The following ZNF263 variants were observed in gnomAD, a reference collection of about 807,000 sequenced individuals.
ZNF263 encodes zinc finger protein 263, also known as zinc finger protein FPM315.
Under a neutral mutation model 63.1 loss-of-function variants are expected in ZNF263, and 49 were observed. The observed-to-expected ratio is 0.78, with a 90% CI of 0.62 to 0.99. The LOEUF (loss-of-function observed/expected upper bound fraction) is 0.99, where lower values mean the gene tolerates loss of function less well. ZNF263 is among the 50% of genes least tolerant of loss of function. ZNF263 has a pLI of 0.00. For missense variants in ZNF263, 872 were observed against 854.8 expected (o/e 1.02, Z -0.25); for synonymous variants, 352 against 324.2 (o/e 1.09, Z -0.92).
chr16:3,298,773 T>C (rs1289926988), intron 1 of ZNF263: 1 of 369,648 alleles, frequency 2.7e-6, no homozygotes, highest in Non-Finnish European at 4.8e-6. Flanking sequence ...TTGTGTAAAA[T>C]TTAAAAAAAT....
At chr16:3,296,452 C>T (rs1013253179), downstream of ZNF263, among the ~76,000 whole-genome samples, 1 of 152,114 alleles carries the variant, frequency 6.6e-6, no homozygotes, top group African/African-American at 2.4e-5. Flanking sequence ...GGCAAAACAT[C>T]AAGCAAAGAG....
chr16:3,299,714 G>A (rs1959877548), intron 2 of ZNF263: 2 of 1,536,284 alleles, frequency 1.3e-6, no homozygotes, highest in African/African-American at 1.4e-5. Context: ...GAGGAAGGAT[G>A]AGCCGGGCAA....
chr16:3,300,794 G>T, intron 2 of ZNF263: 1 of 1,107,466 alleles, frequency 9.0e-7, no homozygotes, highest in Non-Finnish European at 1.2e-6. Flanking sequence ...CTAGTCTAGA[G>T]GTGGAGGTCT....
rs58913493 is a variant in ZNF263, at chr16:3,289,850, T to C, written c.1344T>C (p.His448=). 1.5e-5 allele frequency: 24 copies of C among 1,614,232 alleles called. No individual in the cohort carries two copies. The East Asian group carries it at 5.1e-4, about 34-fold the overall frequency. Residue 448 remains histidine, a synonymous_variant, in exon 6 of 6, where the codon CAT becomes CAC. Transcript: ENST00000219069. ...ECGKCFSQNT[H]LTRHQRTHTG... is the part of the protein sequence containing the mutation. ...GGAAATGCTTCAGTCAGAACACCCA[T>C]CTGACTCGCCACCAACGCACCCACA...
At position 3,286,103 on chromosome 16, in the gene ZNF263, C is replaced by T; in HGVS notation, c.723C>T (p.Leu241=). 6.2e-7 allele frequency: 1 copy of T among 1,611,534 alleles called. No homozygotes were observed. Among genetic ancestry groups the T allele is most frequent in the Non-Finnish European group, 8.5e-7 (1 of 1,179,194 alleles). The change falls in exon 4 of 6, where the codon CTC becomes CTT. Residue 241 remains leucine, a synonymous_variant. Transcript: ENST00000219069. ...WGHQDPSKRA[L]SRDTVQESYE... ...ATCAGGATCCTAGTAAGAGGGCCCT[C>T]TCCAGGGACACGGTGCAGGAGAGTT... is the stretch of plus-strand genomic sequence containing the variant.
rs142889734 is a variant in ZNF263, at chr16:3,288,587, A to G, written c.886+17A>G. ...CAGCTCCAGGTAAGGAATGAAGACAAGTGGCCTGCGCAGCAAGCAGCAAGG... is the reference window on the plus strand; with the variant it reads ...CAGCTCCAGGTAAGGAATGAAGACAGGTGGCCTGCGCAGCAAGCAGCAAGG... On this transcript the variant is annotated intron_variant, in intron 5 of 5. Coordinates refer to ENST00000219069, the MANE Select transcript of ZNF263 (RefSeq NM_005741.5). 4.4e-5 allele frequency: 70 copies of G among 1,579,462 alleles called. No homozygotes were observed. In the East Asian group the frequency reaches 1.6e-3, roughly 36 times the overall value.
Position 3,285,115 on chromosome 16 carries a change from A to G in ZNF263, c.444A>G (p.Glu148=). Residue 148 remains glutamate, a synonymous_variant, in exon 2 of 6, where the codon GAA becomes GAG. Coordinates refer to ENST00000219069, the MANE Select transcript of ZNF263 (RefSeq NM_005741.5). The part of the protein sequence containing the change: ...EVLLEEPLPL[E]TARESPSFKL... Reference sequence around the variant, plus strand: ...TTTTGGAGGAGCCTTTGCCTCTGGAAACAGCACGAGAGTCACCGAGCTTCA... The same window carrying G: ...TTTTGGAGGAGCCTTTGCCTCTGGAGACAGCACGAGAGTCACCGAGCTTCA... 6.2e-7 allele frequency: 1 copy of G among 1,614,142 alleles called. No individual in the cohort carries two copies. Among genetic ancestry groups the G allele is most frequent in the Non-Finnish European group, 8.5e-7 (1 of 1,180,028 alleles).
At chr16:3,297,955 A>G (rs1328008877) in intron 1 of ZNF263, among the ~76,000 whole-genome samples, 1 of 152,188 alleles carries the variant, frequency 6.6e-6, no homozygotes, top group Non-Finnish European at 1.5e-5. Context: ...ACAATATTCA[A>G]TGTTGGGATT....
downstream of ZNF263, among the ~76,000 whole-genome samples, chr16:3,296,251 CAAT>C (rs1202987026): frequency 1.3e-5 from 2 of 152,158 alleles, no homozygotes; most frequent in Non-Finnish European, 2.9e-5. Context: ...TTTCCAGAAT[CAAT>C]GAGTACTTTT....
At chr16:3,299,801 G>A in intron 2 of ZNF263, 1 of 1,584,782 alleles carries the variant, frequency 6.3e-7, no homozygotes, top group Admixed American at 1.9e-5. Context: ...CGGACCTCAG[G>A]AACAAAGTTT....
intron 1 of ZNF263, among the ~76,000 whole-genome samples, chr16:3,284,766 C>T (rs546778521): frequency 1.3e-5 from 2 of 152,208 alleles, no homozygotes; most frequent in African/African-American, 4.8e-5. Context: ...CCAATTTAGC[C>T]TATCCTATAG....
At chr16:3,295,880 C>T (rs2150776928), downstream of ZNF263, among the ~76,000 whole-genome samples, 1 of 152,288 alleles carries the variant, frequency 6.6e-6, no homozygotes. Flanking sequence ...GGCCGAGACC[C>T]GTCTAAAATC....
Position 3,289,681 on chromosome 16 carries a change from AC to A in ZNF263, c.1177del (p.Leu393Ter). 6.2e-7 allele frequency: 1 copy of A among 1,614,152 alleles called. No individual in the cohort carries two copies. The highest frequency in any genetic ancestry group is 8.5e-7 in the Non-Finnish European group (1 of 1,180,032). ...LCGKNFSNNSNLIRHQRIHAA... is the reference protein window; with the variant it reads ...LCGKNFSNNSXLIRHQRIHAA... Reference sequence around the variant, plus strand: ...GGCAAAAATTTCTCTAACAACTCAAACCTAATTAGGCACCAGAGAATACATG... The same window carrying A: ...GGCAAAAATTTCTCTAACAACTCAAACTAATTAGGCACCAGAGAATACATG... On this transcript the variant is annotated frameshift_variant, in exon 6 of 6. Transcript: ENST00000219069. LOFTEE classifies it high-confidence loss of function.
chr16:3,300,742 T>A, intron 2 of ZNF263: 1 of 1,435,434 alleles, frequency 7.0e-7, no homozygotes, highest in Non-Finnish European at 9.2e-7. Flanking sequence ...GGGCATTGTA[T>A]TGGAGGATAA....
In ZNF263 at chr16:3,289,870, C is replaced by T; in HGVS notation, c.1364C>T (p.Thr455Ile). 2 of 1,614,182 alleles carry T rather than the reference C, an allele frequency of 1.2e-6. No homozygotes were observed. The highest frequency in any genetic ancestry group is 1.7e-6 in the Non-Finnish European group (2 of 1,180,036). The change falls in exon 6 of 6, where the codon ACC becomes ATC. Residue 455 changes from threonine (T) to isoleucine (I), a missense_variant. By Grantham distance (89) the Thr-to-Ile change is moderately conservative (BLOSUM62 -1). Coordinates refer to ENST00000219069, the MANE Select transcript of ZNF263 (RefSeq NM_005741.5). ...QNTHLTRHQR[T>I]HTGEKPYQCN... is the part of the protein sequence containing the mutation. ...ACCCATCTGACTCGCCACCAACGCACCCACACGGGTGAGAAGCCCTATCAG... is the reference window on the plus strand; with the variant it reads ...ACCCATCTGACTCGCCACCAACGCATCCACACGGGTGAGAAGCCCTATCAG...
At chr16:3,285,315 A>G in intron 2 of ZNF263, 76 bp downstream of exon 2, 2 of 1,443,990 alleles carry the variant, frequency 1.4e-6, no homozygotes, top group Non-Finnish European at 1.9e-6. Flanking sequence ...TGGATGTAGC[A>G]ATGATGCGAA....
Position 3,283,742 on chromosome 16 carries a change from C to G in ZNF263, c.-77C>G. 1 of 1,430,190 alleles carries G rather than the reference C, an allele frequency of 7.0e-7. No individual in the cohort carries two copies. Among genetic ancestry groups the G allele is most frequent in the Non-Finnish European group, 9.1e-7 (1 of 1,095,546 alleles). 88.6% of individuals were successfully genotyped at this position (1,430,190 alleles called of 1,614,324 possible). On this transcript the variant is annotated 5_prime_UTR_variant, in exon 1 of 6. Transcript: ENST00000219069. ...GCCCCGGGCTCCTGCTGGCGCCGTCCAACCTTACATGGGTTCAGGGCGCCT... is the reference window on the plus strand; with the variant it reads ...GCCCCGGGCTCCTGCTGGCGCCGTCGAACCTTACATGGGTTCAGGGCGCCT...
chr16:3,284,277 C>G, intron 1 of ZNF263, 72 bp downstream of exon 1: 8 of 1,449,968 alleles, frequency 5.5e-6, no homozygotes, highest in Non-Finnish European at 6.4e-6. Flanking sequence ...CGCCCCCGGT[C>G]GAATTCAAGT....
At chr16:3,293,077 A>T (rs1214776597), downstream of ZNF263, 1 of 152,136 alleles carries the variant, frequency 6.6e-6, no homozygotes, top group Non-Finnish European at 1.5e-5. Context: ...GGCCCCCATG[A>T]GGTCTGATAC....
Sources: allele counts gnomAD v4.1 joint callset (sites outside exome capture counted in the v4.1 genomes callset), GRCh38; gene constraint gnomAD v4.1.1; transcripts MANE v1.5; gene names NCBI Gene and HGNC (gene_info 2026-07-23, HGNC 2026-07-21).